GPRASP3: variants seen among roughly 807,000 people sequenced by gnomAD.
GPRASP3 encodes the protein G protein-coupled receptor associated sorting protein 3.
chrX:102,727,009 GTGCTCACTGA>G, the GPRASP3 span, among the ~76,000 whole-genome samples: 1 of 112,532 alleles, frequency 8.9e-6, no homozygotes, highest in South Asian at 3.7e-4. Context: ...GCAGATGTAG[GTGCTCACTGA>G]TGCTCACTGA....
At chrX:102,728,912 A>T in the GPRASP3 span, among the ~76,000 whole-genome samples, 1 of 112,048 alleles carries the variant, frequency 8.9e-6, no homozygotes, top group African/African-American at 3.3e-5. Context: ...GGCATAGGAC[A>T]GTTGACTACC....
At chrX:102,736,591 A>G in the GPRASP3 span, among the ~76,000 whole-genome samples, 1 of 111,557 alleles carries the variant, frequency 9.0e-6, no homozygotes, top group South Asian at 3.9e-4. Context: ...CTGAATCCCC[A>G]AAAGAGAAAT....
the GPRASP3 span, among the ~76,000 whole-genome samples, chrX:102,736,097 C>A: frequency 8.9e-6 from 1 of 111,971 alleles, no homozygotes; most frequent in Non-Finnish European, 1.9e-5. Context: ...AGTGGTAAAG[C>A]AGGCAAGTCG....
chrX:102,736,873 A>T, the GPRASP3 span, among the ~76,000 whole-genome samples: 3 of 112,272 alleles, frequency 2.7e-5, no homozygotes, highest in East Asian at 8.4e-4. Flanking sequence ...AAAGTGAAAA[A>T]CAGGTAACGC....
At chrX:102,742,953 C>T in the GPRASP3 span, among the ~76,000 whole-genome samples, 5 of 111,460 alleles carry the variant, frequency 4.5e-5, no homozygotes, top group African/African-American at 1.6e-4. Flanking sequence ...GTAAGATGCA[C>T]ATTGGTTCTG....
chrX:102,730,887 T>C, the GPRASP3 span, among the ~76,000 whole-genome samples: 3 of 112,275 alleles, frequency 2.7e-5, no homozygotes, highest in Non-Finnish European at 5.6e-5. Context: ...CCTTTTGGCA[T>C]AGTGAATCAG....
At chrX:102,745,397 G>A in the GPRASP3 span, among the ~76,000 whole-genome samples, 2 of 111,579 alleles carry the variant, frequency 1.8e-5, no homozygotes, top group Non-Finnish European at 3.8e-5. Flanking sequence ...GCAGTGGTGA[G>A]GCCTTGATGG....
chrX:102,741,608 G>A, the GPRASP3 span, among the ~76,000 whole-genome samples: 155 of 112,190 alleles, frequency 1.4e-3, no homozygotes, highest in Admixed American at 3.3e-3. Flanking sequence ...CAATTTTAGA[G>A]AGGCAATGCA....
the GPRASP3 span, among the ~76,000 whole-genome samples, chrX:102,735,697 C>T: frequency 8.9e-6 from 1 of 112,280 alleles, no homozygotes; most frequent in Non-Finnish European, 1.9e-5. Context: ...CGCGAGCCAC[C>T]GCGCCCGGCT....
At chrX:102,724,791 G>A in the GPRASP3 span, among the ~76,000 whole-genome samples, 1 of 108,673 alleles carries the variant, frequency 9.2e-6, no homozygotes, top group East Asian at 2.9e-4. Context: ...GTTCTGACTT[G>A]TAGCGGGTAG....
chrX:102,729,690 A>T, the GPRASP3 span, among the ~76,000 whole-genome samples: 8 of 111,879 alleles, frequency 7.2e-5, no homozygotes, highest in African/African-American at 2.6e-4. Context: ...GCCAACATGG[A>T]GAAACCCCAT....
At chrX:102,735,874 T>C in the GPRASP3 span, among the ~76,000 whole-genome samples, 5 of 112,707 alleles carry the variant, frequency 4.4e-5, no homozygotes, top group African/African-American at 1.3e-4. Flanking sequence ...TTACTTTCCT[T>C]GCACACCTTG....
chrX:102,750,981 C>T, the GPRASP3 span: 1 of 153,898 alleles, frequency 6.5e-6, no homozygotes, highest in East Asian at 1.8e-4. Context: ...GGCATACACA[C>T]ACACAAAGAT....
the GPRASP3 span, chrX:102,748,988 C>G: frequency 1.7e-6 from 2 of 1,199,083 alleles, no homozygotes; most frequent in South Asian, 1.8e-5. Context: ...TATAACTGGG[C>G]TTCAACCATG....
the GPRASP3 span, chrX:102,748,683 C>A: frequency 4.9e-6 from 1 of 205,871 alleles, no homozygotes; most frequent in African/African-American, 2.9e-5. Flanking sequence ...AAGCCAGTTT[C>A]TTTCTTCAAC....
the GPRASP3 span, among the ~76,000 whole-genome samples, chrX:102,730,364 A>G: frequency 2.4e-4 from 27 of 112,138 alleles, no homozygotes; most frequent in Admixed American, 6.6e-4. Context: ...CTAGCCCGCC[A>G]CTCACCTCCT....
chrX:102,732,806 A>C, the GPRASP3 span, among the ~76,000 whole-genome samples: 1 of 111,837 alleles, frequency 8.9e-6, no homozygotes, highest in Admixed American at 9.5e-5. Flanking sequence ...CTCAGATAAG[A>C]CTTTTTAAAA....
At chrX:102,724,613 G>T in the GPRASP3 span, among the ~76,000 whole-genome samples, 2 of 110,067 alleles carry the variant, frequency 1.8e-5, no homozygotes, top group South Asian at 7.8e-4. Context: ...ACTTCAAATT[G>T]TGGCCTGATT....
At chrX:102,749,047 G>A in the GPRASP3 span, 1 of 1,211,210 alleles carries the variant, frequency 8.3e-7, no homozygotes. Context: ...TGAAAAAAAG[G>A]CTGCTATACA....
Sources: gnomAD v4.1 joint callset for allele counts (sites outside exome capture counted in the v4.1 genomes callset) on GRCh38, gnomAD v4.1.1 for gene constraint, MANE v1.5 for transcripts, NCBI Gene and HGNC (gene_info 2026-07-23, HGNC 2026-07-21) for gene names.